CCDC66: variants seen among roughly 807,000 people sequenced by gnomAD.
The protein encoded by CCDC66 is coiled-coil domain-containing protein 66.
CCDC66 carries 133 observed loss-of-function variants against 128.3 expected under a neutral mutation model. That is an observed-to-expected ratio of 1.04 (90% confidence interval 0.90 to 1.20). The LOEUF (loss-of-function observed/expected upper bound fraction) is 1.20, where lower values mean the gene tolerates loss of function less well. CCDC66 is among the 50% of genes most tolerant of loss of function. The probability of loss-of-function intolerance (pLI) is 0.00; values close to 1 mark genes in which losing one functional copy is unlikely to be tolerated. For missense variants in CCDC66, 1,126 were observed against 1,075.5 expected, an observed-to-expected ratio of 1.05 and a Z score of -0.66; for synonymous variants, 387 against 357.0, an observed-to-expected ratio of 1.08 and a Z score of -0.95.
At chr3:56,572,489 A>G (rs759422857) in intron 7 of CCDC66, 19 of 732,278 alleles carry the variant, frequency 2.6e-5, no homozygotes, top group African/African-American at 1.5e-4. Context: ...CCTCTAACCT[A>G]TTTTCCTTGA....
At chr3:56,601,131 T>C (rs1414776176) in intron 10 of CCDC66, among the ~76,000 whole-genome samples, 1 of 152,120 alleles carries the variant, frequency 6.6e-6, no homozygotes, top group African/African-American at 2.4e-5. Flanking sequence ...CTTTATTCCA[T>C]CTTGAGTTAA....
At chr3:56,584,152 G>C (rs1361352760) in intron 7 of CCDC66, among the ~76,000 whole-genome samples, 2 of 147,370 alleles carry the variant, frequency 1.4e-5, no homozygotes, top group African/African-American at 4.9e-5. Flanking sequence ...TGGCCGGGCG[G>C]GGGCGGCCCC....
At chr3:56,589,033 A>G (rs1322364620) in intron 7 of CCDC66, among the ~76,000 whole-genome samples, 2 of 152,218 alleles carry the variant, frequency 1.3e-5, no homozygotes, top group East Asian at 1.9e-4. Flanking sequence ...TACCTACAAT[A>G]AAATTAACAA....
rs193013522 is a variant in CCDC66 at position 56,603,365 on chromosome 3, T to C, written c.1404+9337T>C. ...TTTGCTCTTGTTTCTCTAGTTCTTT[T>C]AGTTGTGATGTTAGGGTGTCAATTT... On this transcript the variant is annotated intron_variant, in intron 10 of 17. Transcript: ENST00000394672. Among the ~76,000 whole-genome samples the C allele has an allele frequency of 2.9e-3, 438 of 152,150 alleles. 12 individuals carry two copies. Among genetic ancestry groups the C allele is most frequent in the African/African-American group, 0.01 (424 of 41,422 alleles).
chr3:56,593,157 C>T, intron 8 of CCDC66, 56 bp downstream of exon 8: 1 of 1,343,176 alleles, frequency 7.4e-7, no homozygotes, highest in Non-Finnish European at 1.0e-6. Context: ...AGTCTTTAAT[C>T]AATTAAAACT....
At chr3:56,565,028 A>G (rs1001257413) in intron 4 of CCDC66, 1 of 212,876 alleles carries the variant, frequency 4.7e-6, no homozygotes, top group Non-Finnish European at 1.0e-5. Context: ...GTAGACTTTC[A>G]TGATTTCTTT....
rs1033082430 is a variant in CCDC66 at position 56,612,475 on chromosome 3, G to T, written c.1405-1114G>T. 4.6e-5 allele frequency among the ~76,000 whole-genome samples: 7 copies of T among 152,268 alleles called. No individual in the cohort carries two copies. In the South Asian group the frequency reaches 1.5e-3, roughly 32 times the overall value. ...TATACACTGGCATCAGTGGTAGCAG[G>T]TCAAGCCAGGCCAATTATTGGGCTT... On this transcript the variant is annotated intron_variant, in intron 10 of 17. Transcript: ENST00000394672.
At chr3:56,616,742 G>GT (rs1164283996) in intron 13 of CCDC66, 6 of 176,182 alleles carry the variant, frequency 3.4e-5, no homozygotes, top group Admixed American at 1.2e-4. Flanking sequence ...CAAAGCAGTG[G>GT]TACCATTTTA....
intron 7 of CCDC66, among the ~76,000 whole-genome samples, chr3:56,584,515 C>T (rs1346160062): frequency 6.7e-6 from 1 of 149,714 alleles, no homozygotes; most frequent in Non-Finnish European, 1.5e-5. Flanking sequence ...CAGAGGCGCT[C>T]CCCACATCTC....
rs184970605 is a variant in CCDC66 at position 56,600,303 on chromosome 3, C to T, written c.1404+6275C>T. On this transcript the variant is annotated intron_variant, in intron 10 of 17. Transcript: ENST00000394672. Reference sequence around the variant, plus strand: ...AGCTGGGATTATAGGTGCCCGCCACCGTGCCTGGCTAATTTTTGTATTTTT... The same window carrying T: ...AGCTGGGATTATAGGTGCCCGCCACTGTGCCTGGCTAATTTTTGTATTTTT... Among the ~76,000 whole-genome samples the T allele has an allele frequency of 5.5e-4, 83 of 151,786 alleles. 1 individual carries two copies. Among genetic ancestry groups the T allele is most frequent in the African/African-American group, 1.8e-3 (73 of 41,244 alleles).
intron 1 of CCDC66, among the ~76,000 whole-genome samples, chr3:56,558,441 C>T (rs775153964): frequency 7.2e-5 from 11 of 152,182 alleles, no homozygotes; most frequent in Non-Finnish European, 1.6e-4. Flanking sequence ...TATCGATGCT[C>T]CAGCACTCCA....
intron 7 of CCDC66, 109 bp from the exon 8 acceptor site, chr3:56,592,860 TA>T: frequency 9.3e-7 from 1 of 1,080,684 alleles, no homozygotes; most frequent in Non-Finnish European, 1.4e-6. Context: ...CTCTTACAGA[TA>T]AATGCCTCAG....
In CCDC66 at chr3:56,566,758, A is replaced by G. The variant is rs2065911801; in HGVS notation, c.709A>G (p.Ile237Val). The change falls in exon 5 of 18, where the codon ATA becomes GTA. Residue 237 changes from isoleucine (I) to valine (V), a missense_variant and splice_region_variant. By Grantham distance (29) the Ile-to-Val change is conservative (BLOSUM62 3). Transcript: ENST00000394672. The stretch of plus-strand genomic sequence containing the variant: ...TAAACAGTGTGAGCAAAAAATTGCC[A>G]TGTATGTAACTCCTATCTGTTGTTA... ...TSKQCEQKIA[I>V]ENEWKPADIF... is the part of the protein sequence containing the mutation. 4 of 1,609,404 alleles carry G rather than the reference A, an allele frequency of 2.5e-6. No homozygotes were observed. The highest frequency in any genetic ancestry group is 1.3e-5 in the African/African-American group (1 of 74,906).
At chr3:56,596,710 T>C (rs989162988) in intron 10 of CCDC66, among the ~76,000 whole-genome samples, 20 of 151,760 alleles carry the variant, frequency 1.3e-4, no homozygotes, top group Non-Finnish European at 4.4e-5. Flanking sequence ...TTTCTTCTAG[T>C]AGGTTTACAT....
At chr3:56,618,133 CTATA>C (rs2075754118) in intron 14 of CCDC66, 35 bp from the exon 15 acceptor site, 1 of 1,482,266 alleles carries the variant, frequency 6.7e-7, no homozygotes, top group South Asian at 1.1e-5. Context: ...TGTGAAGATG[CTATA>C]TATTCCTTTC....
intron 10 of CCDC66, among the ~76,000 whole-genome samples, chr3:56,606,890 G>A (rs1173826988): frequency 6.6e-6 from 1 of 151,230 alleles, no homozygotes; most frequent in African/African-American, 2.5e-5. Context: ...ACCATTTGTT[G>A]AAAAGGGTGT....
intron 10 of CCDC66, among the ~76,000 whole-genome samples, chr3:56,607,126 C>T (rs1396237874): frequency 6.6e-6 from 1 of 151,874 alleles, no homozygotes; most frequent in Non-Finnish European, 1.5e-5. Context: ...GCTATGTGGG[C>T]TCTTTTTTGG....
At chr3:56,596,663 A>G (rs1165470603) in intron 10 of CCDC66, among the ~76,000 whole-genome samples, 1 of 151,750 alleles carries the variant, frequency 6.6e-6, no homozygotes, top group Non-Finnish European at 1.5e-5. Context: ...CTCGACCACA[A>G]ACTCTATACC....
At chr3:56,615,001 G>A in intron 11 of CCDC66, 127 bp from the exon 12 acceptor site, 1 of 849,802 alleles carries the variant, frequency 1.2e-6, no homozygotes, top group Non-Finnish European at 1.8e-6. Context: ...CTTGTTGACT[G>A]TTGTACCCTT....
Sources: allele counts gnomAD v4.1 joint callset (sites outside exome capture counted in the v4.1 genomes callset), GRCh38; gene constraint gnomAD v4.1.1; transcripts MANE v1.5; gene names NCBI Gene and HGNC (gene_info 2026-07-23, HGNC 2026-07-21).